Variants in NLRP7 observed in about 807,000 individuals in gnomAD.
NLRP7 encodes the protein NLR family pyrin domain containing 7, also known as NACHT, LRR and PYD domains-containing protein 7.
Under a neutral mutation model 85.5 loss-of-function variants are expected in NLRP7, and 72 were observed. The ratio of observed to expected loss-of-function variants is 0.84; its 90% CI spans 0.70 to 1.02. The LOEUF (loss-of-function observed/expected upper bound fraction) is 1.02. NLRP7 is among the 50% of genes least tolerant of loss of function. The pLI is 0.00. For synonymous variants in NLRP7, 550 were observed against 505.2 expected (o/e 1.09, Z -1.19); for missense variants, 1,243 against 1,219.5 (o/e 1.02, Z -0.29).
At chr19:54,939,246 G>T in exon 4 of NLRP7, 1 of 1,614,214 alleles carries the variant, frequency 6.2e-7, no homozygotes, top group South Asian at 1.1e-5. Context: ...TCGTTAGCGA[G>T]GCCGAATAAG....
Position 54,930,388 on chromosome 19 carries a change from G to A in NLRP7, c.2810+111C>T, listed in dbSNP as rs913533542. The A allele has an allele frequency of 1.3e-5, 10 of 755,800 alleles. No homozygotes were observed. The African/African-American group carries it at 1.6e-4, about 12-fold the overall frequency. The allele number at this position is 755,800 out of a possible 1,614,324, so 46.8% of individuals were successfully genotyped here. The stretch of plus-strand genomic sequence containing the variant: ...GAGGTGGGAGAACCGATCAAGCCTG[G>A]AAGACCGAAGCCGCAGTGAGCCGTA... On this transcript the variant is annotated intron_variant, in intron 9 of 9. Transcript: ENST00000340844.
At chr19:54,961,177 G>C (rs576123352) in intron 1 of NLRP7, among the ~76,000 whole-genome samples, 1 of 151,778 alleles carries the variant, frequency 6.6e-6, no homozygotes, top group African/African-American at 2.4e-5. Context: ...GTTCAAGACC[G>C]GCCCGGTGTA....
chr19:54,949,729 T>C (rs1391611437), upstream of NLRP7, among the ~76,000 whole-genome samples: 1 of 151,994 alleles, frequency 6.6e-6, no homozygotes, highest in Non-Finnish European at 1.5e-5. Context: ...GGAGAGGGGC[T>C]GAAGGTTGAA....
intron 4 of NLRP7, 101 bp from the exon 5 acceptor site, chr19:54,938,342 C>T: frequency 1.1e-6 from 1 of 909,742 alleles, no homozygotes; most frequent in Non-Finnish European, 1.8e-6. Flanking sequence ...ATTACTTTTG[C>T]ACCAACCTAA....
intron 1 of NLRP7, among the ~76,000 whole-genome samples, chr19:54,957,163 A>G (rs2069884904): frequency 6.6e-6 from 1 of 151,560 alleles, no homozygotes; most frequent in African/African-American, 2.4e-5. Context: ...CTGGGATTAC[A>G]GGGCACACCA....
intron 9 of NLRP7, among the ~76,000 whole-genome samples, chr19:54,928,294 G>A (rs924758503): frequency 7.2e-5 from 11 of 152,042 alleles, no homozygotes; most frequent in African/African-American, 2.2e-4. Context: ...CCAGCTACTC[G>A]AGAGGCAGGA....
At chr19:54,943,694 A>AC (rs2069343381) in intron 1 of NLRP7, among the ~76,000 whole-genome samples, 1 of 152,116 alleles carries the variant, frequency 6.6e-6, no homozygotes, top group Non-Finnish European at 1.5e-5. Flanking sequence ...GGACAGCTTT[A>AC]CCCTTGGAGG....
chr19:54,959,920 A>G lies in NLRP7; in HGVS notation c.-77+6120T>C, dbSNP rs534999149. Among the ~76,000 whole-genome samples, 24 of 151,968 alleles carry G rather than the reference A, an allele frequency of 1.6e-4. No homozygotes were observed. The South Asian group carries it at 4.0e-3, about 25-fold the overall frequency. On this transcript the variant is annotated intron_variant, in intron 1 of 2. Transcript: ENST00000587103. ...ACTCCCGGCTGCAGAGCCTTGTCAG[A>G]AGCAGGCAATGTACACAGAGACCCA...
At chr19:54,952,745 G>A (rs574340902) in intron 1 of NLRP7, among the ~76,000 whole-genome samples, 11 of 152,246 alleles carry the variant, frequency 7.2e-5, no homozygotes, top group South Asian at 6.2e-4. Flanking sequence ...ATTGGGCAAC[G>A]GACCTACTGT....
In NLRP7 at chr19:54,965,274, C is replaced by T. The variant is rs1290080655; in HGVS notation, c.-77+766G>A. ...AGGAAGTGCTCAGCAACGATTACGC[C>T]CCGAGGGCCAATCACAGGGCTGCGG... On this transcript the variant is annotated intron_variant, in intron 1 of 2. Transcript: ENST00000587103. 5 of 101,418 alleles carry T rather than the reference C, an allele frequency of 4.9e-5. 1 individual carries two copies. The highest frequency in any genetic ancestry group is 2.7e-4 in the Admixed American group (3 of 10,984). The allele number at this position is 101,418 out of a possible 1,614,324, so 6.3% of individuals were successfully genotyped here. A position where few individuals can be genotyped will look rare whatever the true frequency, so the allele number is the denominator to read the frequency against.
Position 54,930,131 on chromosome 19 carries a change from A to G in NLRP7, c.2810+368T>C, listed in dbSNP as rs556023897. Among the ~76,000 whole-genome samples the G allele has an allele frequency of 1.7e-3, 248 of 146,290 alleles. 1 individual carries two copies. Among genetic ancestry groups the G allele is most frequent in the Non-Finnish European group, 2.9e-3 (200 of 67,856 alleles). On this transcript the variant is annotated intron_variant, in intron 9 of 9. Coordinates refer to ENST00000340844, the Ensembl canonical transcript of NLRP7. ...GCTCCGTCTCAAAAAAAAAAAAAAAAAAAGAAAACATAGAAATTAAGGATT... is the reference window on the plus strand; with the variant it reads ...GCTCCGTCTCAAAAAAAAAAAAAAAGAAAGAAAACATAGAAATTAAGGATT...
At chr19:54,925,021 G>A (rs1431407162) in intron 9 of NLRP7, among the ~76,000 whole-genome samples, 1 of 152,120 alleles carries the variant, frequency 6.6e-6, no homozygotes, top group African/African-American at 2.4e-5. Context: ...GTTAATGATA[G>A]CAAACTTGGC....
intron 9 of NLRP7, among the ~76,000 whole-genome samples, chr19:54,925,635 G>A (rs1050973857): frequency 5.9e-5 from 9 of 152,132 alleles, no homozygotes; most frequent in African/African-American, 2.2e-4. Flanking sequence ...ACACAGTGCA[G>A]CAGAGCAAAA....
At chr19:54,938,115 G>A in exon 5 of NLRP7, 2 of 1,614,078 alleles carry the variant, frequency 1.2e-6, no homozygotes, top group Non-Finnish European at 1.7e-6. Context: ...AGTCACTCAG[G>A]AAGCTTTGTT....
chr19:54,960,584 GTTTTAT>G (rs550061952), intron 1 of NLRP7, among the ~76,000 whole-genome samples: 58 of 151,374 alleles, frequency 3.8e-4, no homozygotes, highest in East Asian at 1.2e-3. Flanking sequence ...ACAAAAGATA[GTTTTAT>G]TTTTATTTTT....
At chr19:54,924,731 T>C (rs143295175) in intron 9 of NLRP7, among the ~76,000 whole-genome samples, 2,097 of 152,202 alleles carry the variant, frequency 0.014, 98 homozygotes, top group East Asian at 0.11. Flanking sequence ...AGGTCAGGAA[T>C]TCGAGACCAG....
At chr19:54,947,726 C>A, upstream of NLRP7, 1 of 1,086,032 alleles carries the variant, frequency 9.2e-7, no homozygotes, top group Non-Finnish European at 1.2e-6. Context: ...CTTGCTGAAT[C>A]TCCCCAGGTG....
upstream of NLRP7, among the ~76,000 whole-genome samples, chr19:54,948,100 T>C (rs1476980077): frequency 6.6e-6 from 1 of 152,112 alleles, no homozygotes; most frequent in South Asian, 2.1e-4. Context: ...TAGCCATGCA[T>C]AGGCTGGGCG....
exon 4 of NLRP7, chr19:54,940,236 A>G (rs1175540057): frequency 1.2e-6 from 2 of 1,614,196 alleles, no homozygotes; most frequent in Admixed American, 3.3e-5. Flanking sequence ...CAGTCTGTCC[A>G]GTCCAGCATA....
Sources: gnomAD v4.1 joint callset for allele counts (sites outside exome capture counted in the v4.1 genomes callset) on GRCh38, gnomAD v4.1.1 for gene constraint, MANE v1.5 for transcripts, NCBI Gene and HGNC (gene_info 2026-07-23, HGNC 2026-07-21) for gene names.